The following FAM167A variants were observed in gnomAD, a reference collection of about 807,000 sequenced individuals.
FAM167A encodes protein FAM167A.
In FAM167A, 23 loss-of-function variants were observed where a neutral mutation model predicts 14.9. The observed-to-expected ratio is 1.55, with a 90% CI of 1.11 to 2.19. The LOEUF is 2.19. Ranked by LOEUF, FAM167A falls within the 30% of genes most tolerant of loss-of-function variation. The probability of loss-of-function intolerance (pLI) is 0.00; values close to 1 mark genes in which losing one functional copy is unlikely to be tolerated. For synonymous variants in FAM167A, 174 were observed against 117.7 expected (o/e 1.48, Z -3.10); for missense variants, 401 against 281.5 (o/e 1.42, Z -3.04).
chr8:11,469,921 T>TAAATAAAA (rs560781541), upstream of FAM167A, among the ~76,000 whole-genome samples: 2,658 of 145,004 alleles, frequency 0.018, 40 homozygotes, highest in South Asian at 0.05. Flanking sequence ...AATAAATAAA[T>TAAATAAAA]AAAAGATTTA....
intron 2 of FAM167A, chr8:11,438,143 A>G (rs544912162): frequency 2.6e-5 from 12 of 456,456 alleles, no homozygotes; most frequent in Non-Finnish European, 4.8e-5. Context: ...CTGAATGGAC[A>G]TGGGGCTGGA....
intron 2 of FAM167A, among the ~76,000 whole-genome samples, chr8:11,441,345 AG>A (rs2117072176): frequency 6.6e-6 from 1 of 152,330 alleles, no homozygotes; most frequent in Admixed American, 6.5e-5. Context: ...AGTGTGGCCC[AG>A]GGACTAACAG....
intron 1 of FAM167A, among the ~76,000 whole-genome samples, chr8:11,447,960 C>T (rs1015064458): frequency 6.6e-6 from 1 of 152,160 alleles, no homozygotes; most frequent in Non-Finnish European, 1.5e-5. Flanking sequence ...CTTTGGGAGG[C>T]CGAGGCGGGT....
chr8:11,453,211 T>C (rs933773822), intron 1 of FAM167A, among the ~76,000 whole-genome samples: 4 of 152,340 alleles, frequency 2.6e-5, no homozygotes, highest in Middle Eastern at 6.8e-3. Flanking sequence ...GTCTCACTGT[T>C]GCCCAGGCTG....
At chr8:11,452,834 G>C (rs559860131) in intron 1 of FAM167A, among the ~76,000 whole-genome samples, 12 of 152,232 alleles carry the variant, frequency 7.9e-5, no homozygotes, top group Admixed American at 2.6e-4. Context: ...AGCACGGGCT[G>C]AGCAATGGTA....
intron 1 of FAM167A, among the ~76,000 whole-genome samples, chr8:11,473,488 G>C (rs1426132282): frequency 6.6e-6 from 1 of 152,188 alleles, no homozygotes; most frequent in East Asian, 1.9e-4. Flanking sequence ...ACCCCGAAGA[G>C]ATACTGAGGA....
At position 11,444,575 on chromosome 8, in the gene FAM167A, G is replaced by T. The variant is rs1202636119; in HGVS notation, c.-164C>A. The T allele has an allele frequency of 2.1e-6, 3 of 1,445,014 alleles. No homozygotes were observed. Among genetic ancestry groups the T allele is most frequent in the African/African-American group, 2.8e-5 (2 of 70,306 alleles). The allele number at this position is 1,445,014 out of a possible 1,614,324, so 89.5% of individuals were successfully genotyped here. A position where few individuals can be genotyped will look rare whatever the true frequency, so the allele number is the denominator to read the frequency against. Reference sequence around the variant, plus strand: ...TCAGAGGCTGGGTGGCAGGGGAGCTGAGAGGGACCGCGCAGTGAGCCGCAC... The same window carrying T: ...TCAGAGGCTGGGTGGCAGGGGAGCTTAGAGGGACCGCGCAGTGAGCCGCAC... On this transcript the variant is annotated 5_prime_UTR_variant, in exon 2 of 3. Transcript: ENST00000284486.
chr8:11,467,724 C>T (rs1807829298), upstream of FAM167A: 1 of 152,452 alleles, frequency 6.6e-6, no homozygotes, highest in Non-Finnish European at 1.5e-5. Context: ...GGGGTCTTAG[C>T]CCCTGCAGGG....
chr8:11,444,454 G>T lies in FAM167A; in HGVS notation c.-43C>A, dbSNP rs1179173150. On this transcript the variant is annotated 5_prime_UTR_variant, in exon 2 of 3. Coordinates refer to ENST00000284486, the MANE Select transcript of FAM167A (RefSeq NM_053279.3). ...CAGCCGGACATGCGAGGGCACGGGG[G>T]GCGCAGGGGGAGGCTTGGTGGGTGG... is the stretch of plus-strand genomic sequence containing the variant. 2.0e-6 allele frequency: 3 copies of T among 1,510,876 alleles called. No homozygotes were observed. The highest frequency in any genetic ancestry group is 1.8e-6 in the Non-Finnish European group (2 of 1,131,430). The allele number at this position is 1,510,876 out of a possible 1,614,324, so 93.6% of individuals were successfully genotyped here.
chr8:11,458,565 C>T (rs1032878634), intron 1 of FAM167A, among the ~76,000 whole-genome samples: 23 of 152,162 alleles, frequency 1.5e-4, no homozygotes, highest in East Asian at 7.7e-4. Context: ...TTCATTTTAG[C>T]CCTTACTCTG....
chr8:11,469,476 T>TTTG (rs1563396998), upstream of FAM167A, among the ~76,000 whole-genome samples: 1 of 107,576 alleles, frequency 9.3e-6, no homozygotes, highest in Admixed American at 1.1e-4. Flanking sequence ...CTCTCTTCCC[T>TTTG]TTGATTCCTT....
chr8:11,473,537 A>G (rs11250139), intron 1 of FAM167A, among the ~76,000 whole-genome samples: 90,431 of 152,058 alleles, frequency 0.59, 27,498 homozygotes, highest in East Asian at 0.97. Context: ...CCTAAAATCA[A>G]CTCTAACCCA....
chr8:11,431,917 A>AGAAAAG (rs1554524071), intron 2 of FAM167A, among the ~76,000 whole-genome samples: 1 of 99,498 alleles, frequency 1.0e-5, no homozygotes, highest in Non-Finnish European at 2.0e-5. Flanking sequence ...AAAAAAAAAA[A>AGAAAAG]AAGGATTTTG....
Position 11,425,311 on chromosome 8 carries a change from A to G in FAM167A, c.382-675T>C, listed in dbSNP as rs1281948761. Among the ~76,000 whole-genome samples, 3 of 152,180 alleles carry G rather than the reference A, an allele frequency of 2.0e-5. No individual in the cohort carries two copies. The East Asian group carries it at 5.8e-4, about 29-fold the overall frequency. ...TCACCCACAGCTTATAGAGGAGGACACAGAGGCACAGCCAGGGAATTAGCT... is the reference window on the plus strand; with the variant it reads ...TCACCCACAGCTTATAGAGGAGGACGCAGAGGCACAGCCAGGGAATTAGCT... On this transcript the variant is annotated intron_variant, in intron 2 of 2. Coordinates refer to ENST00000284486, the MANE Select transcript of FAM167A (RefSeq NM_053279.3).
At chr8:11,431,631 G>A (rs940606120) in intron 2 of FAM167A, among the ~76,000 whole-genome samples, 2 of 152,306 alleles carry the variant, frequency 1.3e-5, no homozygotes, top group African/African-American at 2.4e-5. Context: ...TTCTAGCACT[G>A]AGAATACTGC....
chr8:11,425,106 C>T (rs146456458), intron 2 of FAM167A, among the ~76,000 whole-genome samples: 22 of 152,296 alleles, frequency 1.4e-4, no homozygotes, highest in Non-Finnish European at 2.8e-4. Context: ...CATGTTGTTA[C>T]ATTACTCTTT....
At chr8:11,439,568 TTCTCTC>T (rs111387845) in intron 2 of FAM167A, among the ~76,000 whole-genome samples, 2 of 76,682 alleles carry the variant, frequency 2.6e-5, no homozygotes, top group African/African-American at 6.3e-5. Flanking sequence ...CAAGGTTCTC[TTCTCTC>T]TCTCTAACAG....
intron 2 of FAM167A, among the ~76,000 whole-genome samples, chr8:11,439,067 AAG>A (rs1485035609): frequency 2.0e-5 from 3 of 152,234 alleles, no homozygotes; most frequent in African/African-American, 7.2e-5. Flanking sequence ...GCCCAGAACA[AAG>A]AGATCTGGAT....
chr8:11,471,898 G>C (rs1269749648), upstream of FAM167A, among the ~76,000 whole-genome samples: 1 of 152,164 alleles, frequency 6.6e-6, no homozygotes, highest in Non-Finnish European at 1.5e-5. Flanking sequence ...TCCAAGCTCT[G>C]GGTGGGAAAA....
Sources: gnomAD v4.1 joint callset for allele counts (sites outside exome capture counted in the v4.1 genomes callset) on GRCh38, gnomAD v4.1.1 for gene constraint, MANE v1.5 for transcripts, NCBI Gene and HGNC (gene_info 2026-07-23, HGNC 2026-07-21) for gene names.